The following CACNA1S variants were observed in gnomAD, a reference collection of about 807,000 sequenced individuals.
The protein encoded by CACNA1S is voltage-dependent L-type calcium channel subunit alpha-1S.
In CACNA1S, 126 loss-of-function variants were observed where a neutral mutation model predicts 207.4. That is an observed-to-expected ratio of 0.61 (90% CI 0.53 to 0.70). CACNA1S has a LOEUF of 0.70. Among genes scored for constraint, CACNA1S ranks in the 30% least tolerant of loss-of-function variants. The pLI is 0.00. For synonymous variants in CACNA1S, 960 were observed against 932.7 expected (o/e 1.03, Z -0.53); for missense variants, 2,349 against 2,422.8 (o/e 0.97, Z 0.64).
At position 201,050,976 on chromosome 1, in the gene CACNA1S, C is replaced by T. The variant is rs991124037; in HGVS notation, c.4113+8G>A. ...CTCTCCCTGCCCCGCAGGCCCTCAG[C>T]ATCTCACCAGGAAGGCACAGAGCAT... is the stretch of plus-strand genomic sequence containing the variant. On this transcript the variant is annotated splice_region_variant and intron_variant, in intron 33 of 43. Transcript: ENST00000362061. 2.0e-5 allele frequency: 32 copies of T among 1,613,908 alleles called. No individual in the cohort carries two copies. The highest frequency in any genetic ancestry group is 1.5e-4 in the African/African-American group (11 of 74,898).
rs1372304388 is a variant in CACNA1S, at chr1:201,073,656, CCCAAAGTGGAAG to C, written c.2064-26_2064-15del. On this transcript the variant is annotated splice_polypyrimidine_tract_variant and intron_variant, in intron 14 of 43. Transcript: ENST00000362061. ...TCTGGGAGACCCCTGAGTTAGAAAACCCAAAGTGGAAGCCAAACCAGAAAGTTCTCAGGGATC... is the reference window on the plus strand; with the variant it reads ...TCTGGGAGACCCCTGAGTTAGAAAACCCAAACCAGAAAGTTCTCAGGGATC... 12 of 1,607,510 alleles carry C rather than the reference CCCAAAGTGGAAG, an allele frequency of 7.5e-6. No homozygotes were observed. The highest frequency in any genetic ancestry group is 1.0e-5 in the Non-Finnish European group (12 of 1,174,084).
At chr1:201,080,392 G>A (rs746955435) in intron 10 of CACNA1S, among the ~76,000 whole-genome samples, 45 of 152,108 alleles carry the variant, frequency 3.0e-4, no homozygotes, top group Middle Eastern at 6.8e-3. Context: ...ACTCCTCTTG[G>A]TGGGCACTGT....
At chr1:201,099,315 C>T (rs1280822770) in intron 2 of CACNA1S, among the ~76,000 whole-genome samples, 4 of 152,164 alleles carry the variant, frequency 2.6e-5, no homozygotes, top group African/African-American at 4.8e-5. Context: ...CCATGTGCCC[C>T]GCTGGAGGGT....
At chr1:201,112,162 C>CG in intron 1 of CACNA1S, 26 bp downstream of exon 1, 1 of 1,607,042 alleles carries the variant, frequency 6.2e-7, no homozygotes, top group Non-Finnish European at 8.5e-7. Flanking sequence ...CACACCCCCC[C>CG]CCACGGCCCG....
intron 25 of CACNA1S, 149 bp downstream of exon 25, chr1:201,061,118 G>A (rs1236924941): frequency 2.8e-6 from 2 of 724,122 alleles, no homozygotes; most frequent in Non-Finnish European, 4.8e-6. Context: ...TTTGGAGATA[G>A]GGTAGGGTGC....
At chr1:201,062,536 G>A in intron 22 of CACNA1S, 22 bp from the exon 23 acceptor site, 3 of 1,484,076 alleles carry the variant, frequency 2.0e-6, no homozygotes, top group East Asian at 2.3e-5. Flanking sequence ...AAGAGGGAGG[G>A]AGGGAGGGAG....
Position 201,070,323 on chromosome 1 carries a change from G to A in CACNA1S, c.2309C>T (p.Ala770Val). The A allele has an allele frequency of 1.2e-6, 2 of 1,614,086 alleles. No homozygotes were observed. The change falls in exon 17 of 44, where the codon GCC becomes GTC. Residue 770 changes from alanine (A) to valine (V), a missense_variant. Physicochemically the swap from Ala to Val is moderately conservative, Grantham distance 64. Transcript: ENST00000362061. ...GGAGCTGGCTTCTGGAATGGGCACG[G>A]CCTTCTCTTTCAGCTGCAGCTCAGC... ...PLAELQLKEK[A>V]VPIPEASSFF...
At chr1:201,083,345 G>A in intron 9 of CACNA1S, 23 bp from the exon 10 acceptor site, 2 of 1,613,676 alleles carry the variant, frequency 1.2e-6, no homozygotes, top group Non-Finnish European at 1.7e-6. Flanking sequence ...ACAGAGGATG[G>A]TCTACAGTGC....
rs1661358358 is a variant in CACNA1S, at chr1:201,069,145, C to T, written c.2542G>A (p.Val848Ile). The change falls in exon 19 of 44, where the codon GTC becomes ATC. Residue 848 changes from valine (V) to isoleucine (I), a missense_variant. Coordinates refer to ENST00000362061, the MANE Select transcript of CACNA1S (RefSeq NM_000069.3). ...GFTSVFTVEI[V>I]LKMTTYGAFL... ...CCACAGCCTTCACTCACCTTGAGGACAATCTCCACAGTGAAGACAGAGGTG... is the reference window on the plus strand; with the variant it reads ...CCACAGCCTTCACTCACCTTGAGGATAATCTCCACAGTGAAGACAGAGGTG... 1 of 1,614,096 alleles carries T rather than the reference C, an allele frequency of 6.2e-7. No homozygotes were observed. The highest frequency in any genetic ancestry group is 8.5e-7 in the Non-Finnish European group (1 of 1,179,948).
At chr1:201,091,576 GTGGCTCCC>G in intron 5 of CACNA1S, 56 bp downstream of exon 5, 1 of 1,569,528 alleles carries the variant, frequency 6.4e-7, no homozygotes, top group East Asian at 2.2e-5. Context: ...ACCAGGTAGG[GTGGCTCCC>G]CCTTCTGAGC....
rs780513179 is a variant in CACNA1S at position 201,044,359 on chromosome 1, A to G, written c.4766T>C (p.Val1589Ala). ...TATTCCCTCCTCCATCGCAGCCTCCACCATGGCTCTCTCCAGCTCCTCCTC... is the reference window on the plus strand; with the variant it reads ...TATTCCCTCCTCCATCGCAGCCTCCGCCATGGCTCTCTCCAGCTCCTCCTC... ...AAEEELERAMVEAAMEEGIFR... is the reference protein window; with the variant it reads ...AAEEELERAMAEAAMEEGIFR... Residue 1589 changes from valine (V) to alanine (A), a missense_variant, in exon 39 of 44, where the codon GTG becomes GCG. Physicochemically the swap from Val to Ala is moderately conservative, Grantham distance 64. Coordinates refer to ENST00000362061, the MANE Select transcript of CACNA1S (RefSeq NM_000069.3). The G allele has an allele frequency of 1.9e-6, 3 of 1,612,786 alleles. No homozygotes were observed. In the South Asian group the frequency reaches 3.3e-5, roughly 18 times the overall value.
intron 9 of CACNA1S, among the ~76,000 whole-genome samples, chr1:201,083,793 ATTT>A (rs1195331246): frequency 6.6e-6 from 1 of 152,148 alleles, no homozygotes; most frequent in African/African-American, 2.4e-5. Flanking sequence ...ATGTTTTATT[ATTT>A]ATTTATTTAG....
At position 201,089,440 on chromosome 1, in the gene CACNA1S, C is replaced by T; in HGVS notation, c.718G>A (p.Glu240Lys). 4 of 1,614,110 alleles carry T rather than the reference C, an allele frequency of 2.5e-6. No homozygotes were observed. In the South Asian group the frequency reaches 3.3e-5, roughly 13 times the overall value. Residue 240 changes from glutamate (E) to lysine (K), a missense_variant, in exon 6 of 44, where the codon GAA (glutamate) becomes AAA (lysine). Glu to Lys is a moderately conservative substitution (Grantham distance 56). Transcript: ENST00000362061. The part of the protein sequence containing the change: ...GTDIVATVEN[E>K]EPSPCARTGS... ...GTCCTGGCGCAGGGCGATGGCTCTT[C>T]ATTCTCCACCGTGGCCACGATATCT...
chr1:201,056,814 C>T (rs1167294813), intron 28 of CACNA1S, among the ~76,000 whole-genome samples: 1 of 152,188 alleles, frequency 6.6e-6, no homozygotes, highest in Non-Finnish European at 1.5e-5. Flanking sequence ...TCATCCCCTT[C>T]ATAAGGCAGG....
At position 201,112,178 on chromosome 1, in the gene CACNA1S, T is replaced by C. The variant is rs953164115; in HGVS notation, c.152+10A>G. 2 of 1,608,424 alleles carry C rather than the reference T, an allele frequency of 1.2e-6. No individual in the cohort carries two copies. Among genetic ancestry groups the C allele is most frequent in the African/African-American group, 2.7e-5 (2 of 74,530 alleles). On this transcript the variant is annotated intron_variant, in intron 1 of 43. Coordinates refer to ENST00000362061, the MANE Select transcript of CACNA1S (RefSeq NM_000069.3). ...ACACCCCCCCCCACGGCCCGGGCCCTGAAGGATACTTCCATTCTACAATGC... is the reference window on the plus strand; with the variant it reads ...ACACCCCCCCCCACGGCCCGGGCCCCGAAGGATACTTCCATTCTACAATGC...
chr1:201,050,076 G>A (rs1660601408), intron 34 of CACNA1S, among the ~76,000 whole-genome samples: 1 of 152,194 alleles, frequency 6.6e-6, no homozygotes, highest in Non-Finnish European at 1.5e-5. Context: ...CTCAGCTTCT[G>A]CTGGTCAGAG....
chr1:201,110,252 A>G lies in CACNA1S; in HGVS notation c.170T>C (p.Ile57Thr). The G allele has an allele frequency of 6.2e-7, 1 of 1,614,234 alleles. No individual in the cohort carries two copies. The change falls in exon 2 of 44, where the codon ATC (isoleucine) becomes ACC (threonine). Residue 57 changes from isoleucine to threonine, a missense_variant. Ile to Thr is a moderately conservative substitution (Grantham distance 89). Coordinates refer to ENST00000362061, the MANE Select transcript of CACNA1S (RefSeq NM_000069.3). ...IVEWKPFETI[I>T]LLTIFANCVA... ...ACAATTGGCAAAGATGGTGAGCAAG[A>G]TGATCGTCTCGAAGGGCCTGGAGCC...
intron 5 of CACNA1S, 132 bp from the exon 6 acceptor site, chr1:201,089,595 C>T (rs1662158612): frequency 2.3e-6 from 2 of 870,382 alleles, no homozygotes; most frequent in Non-Finnish European, 3.7e-6. Flanking sequence ...ATGCAAAAGA[C>T]AGCTTCACAT....
intron 14 of CACNA1S, 133 bp from the exon 15 acceptor site, chr1:201,073,775 A>G (rs550749340): frequency 5.0e-6 from 4 of 805,110 alleles, no homozygotes; most frequent in South Asian, 1.3e-5. Context: ...TCAGCCCCCA[A>G]ATGGGAAGGG....
Sources: allele counts gnomAD v4.1 joint callset (sites outside exome capture counted in the v4.1 genomes callset), GRCh38; gene constraint gnomAD v4.1.1; transcripts MANE v1.5; gene names NCBI Gene and HGNC (gene_info 2026-07-23, HGNC 2026-07-21).